The following OSBPL6 variants were observed in gnomAD, a reference collection of about 807,000 sequenced individuals.
OSBPL6 encodes oxysterol-binding protein-related protein 6.
A neutral mutation model predicts 125.8 loss-of-function variants in OSBPL6; 49 were observed. That is an observed-to-expected ratio of 0.39 (90% CI 0.31 to 0.49). The LOEUF is 0.49. Ranked by LOEUF, OSBPL6 falls within the 20% of genes least tolerant of loss-of-function variation. The pLI, the probability that OSBPL6 is intolerant of heterozygous loss-of-function variation, is 0.88. For synonymous variants in OSBPL6, 394 were observed against 391.8 expected (o/e 1.01, Z -0.07); for missense variants, 986 against 1,135.4 (o/e 0.87, Z 1.89).
At chr2:178,293,316 C>T (rs572536663) in intron 2 of OSBPL6, among the ~76,000 whole-genome samples, 1 of 152,092 alleles carries the variant, frequency 6.6e-6, no homozygotes, top group South Asian at 2.1e-4. Flanking sequence ...TGGGAGAACC[C>T]GTGATCTGAA....
At chr2:178,243,664 T>A (rs765290583) in intron 1 of OSBPL6, among the ~76,000 whole-genome samples, 10 of 152,196 alleles carry the variant, frequency 6.6e-5, no homozygotes, top group Non-Finnish European at 1.0e-4. Context: ...TGTTTCTTTG[T>A]TTGTTTTGAG....
In OSBPL6 at chr2:178,233,350, T is replaced by C. The variant is rs556452538; in HGVS notation, c.-351+38676T>C. On this transcript the variant is annotated intron_variant, in intron 1 of 24. Transcript: ENST00000190611. ...TCTAATTCCTGCGAACCAGCCTTGC[T>C]CTCTGAAAACTGTGGCCATTTTCAT... is the stretch of plus-strand genomic sequence containing the variant. 1.1e-4 allele frequency among the ~76,000 whole-genome samples: 17 copies of C among 152,348 alleles called. No homozygotes were observed. In the South Asian group the frequency reaches 3.3e-3, roughly 30 times the overall value.
intron 12 of OSBPL6, among the ~76,000 whole-genome samples, chr2:178,351,611 C>T (rs1214333906): frequency 6.6e-6 from 1 of 152,132 alleles, no homozygotes; most frequent in African/African-American, 2.4e-5. Context: ...ATATTCCATA[C>T]TCATGGATCA....
At chr2:178,286,708 C>T (rs1013453013) in intron 2 of OSBPL6, among the ~76,000 whole-genome samples, 3 of 152,108 alleles carry the variant, frequency 2.0e-5, no homozygotes, top group Non-Finnish European at 2.9e-5. Context: ...GTTCCAGGGA[C>T]GTAAACTGAT....
At chr2:178,221,785 C>A (rs571258565) in intron 1 of OSBPL6, among the ~76,000 whole-genome samples, 29 of 152,288 alleles carry the variant, frequency 1.9e-4, no homozygotes, top group African/African-American at 7.0e-4. Context: ...GTTTCACAAT[C>A]AATACATGAA....
chr2:178,332,796 A>C, intron 7 of OSBPL6, 42 bp downstream of exon 7: 2 of 1,611,662 alleles, frequency 1.2e-6, no homozygotes, highest in African/African-American at 2.7e-5. Flanking sequence ...TTATCAGGGG[A>C]AACGATTTGC....
At chr2:178,196,049 G>A (rs2088868857) in intron 1 of OSBPL6, among the ~76,000 whole-genome samples, 1 of 140,436 alleles carries the variant, frequency 7.1e-6, no homozygotes, top group Admixed American at 7.4e-5. Flanking sequence ...CTACAGTTTT[G>A]GGTACTGCAA....
chr2:178,267,729 A>G (rs1428659768), intron 1 of OSBPL6, among the ~76,000 whole-genome samples: 3 of 152,156 alleles, frequency 2.0e-5, no homozygotes, highest in Non-Finnish European at 2.9e-5. Flanking sequence ...ATTTAACAGC[A>G]TAGAAAAGTT....
intron 1 of OSBPL6, among the ~76,000 whole-genome samples, chr2:178,222,214 T>C (rs113489182): frequency 2.7e-4 from 41 of 152,352 alleles, no homozygotes; most frequent in African/African-American, 9.6e-4. Context: ...GCTGGTGATG[T>C]AATTTTAATC....
At chr2:178,248,609 A>G (rs145833857) in intron 1 of OSBPL6, among the ~76,000 whole-genome samples, 97 of 152,296 alleles carry the variant, frequency 6.4e-4, no homozygotes, top group African/African-American at 2.3e-3. Context: ...CATGTATGCA[A>G]AAGTGTCTGG....
intron 3 of OSBPL6, among the ~76,000 whole-genome samples, chr2:178,322,615 T>C (rs1688338219): frequency 6.6e-6 from 1 of 152,180 alleles, no homozygotes; most frequent in African/African-American, 2.4e-5. Flanking sequence ...TGGTAGTTTC[T>C]GGTCTTGTAC....
chr2:178,336,303 G>A lies in OSBPL6; in HGVS notation c.660G>A (p.Met220Ile), dbSNP rs1267218372. The change falls in exon 9 of 25, where the codon ATG becomes ATA. Residue 220 changes from methionine (M) to isoleucine (I), a missense_variant and splice_region_variant. Physicochemically the swap from Met to Ile is conservative, Grantham distance 10. Transcript: ENST00000190611. ...AANVSVMDGK[M>I]QPNSFPWQSP... ...CAATTCATCTTTGTTTGCCGTAGAT[G>A]CAACCAAACAGCTTTCCGTGGCAGT... 2.5e-6 allele frequency: 4 copies of A among 1,613,406 alleles called. No homozygotes were observed. Among genetic ancestry groups the A allele is most frequent in the African/African-American group, 1.3e-5 (1 of 74,856 alleles).
intron 12 of OSBPL6, among the ~76,000 whole-genome samples, chr2:178,353,449 T>C (rs760043938): frequency 8.5e-5 from 13 of 152,196 alleles, no homozygotes; most frequent in Non-Finnish European, 1.8e-4. Flanking sequence ...TTGTGATGCA[T>C]GCCCAAGCTT....
intron 1 of OSBPL6, among the ~76,000 whole-genome samples, chr2:178,223,667 T>C (rs1300839207): frequency 6.6e-6 from 1 of 152,190 alleles, no homozygotes; most frequent in Non-Finnish European, 1.5e-5. Context: ...ACTGACTAAG[T>C]GATTGGATTC....
At chr2:178,298,226 C>T (rs568554759) in intron 2 of OSBPL6, among the ~76,000 whole-genome samples, 15 of 152,298 alleles carry the variant, frequency 9.8e-5, no homozygotes, top group African/African-American at 3.4e-4. Context: ...CTTTTTAAGG[C>T]TGAATAATAT....
intron 1 of OSBPL6, among the ~76,000 whole-genome samples, chr2:178,209,943 C>T (rs2089763318): frequency 6.6e-6 from 1 of 151,410 alleles, no homozygotes; most frequent in Admixed American, 6.6e-5. Context: ...TCTTTCCATA[C>T]TATAGCCATA....
rs66530877 is a variant in OSBPL6, at chr2:178,287,149, TAAAAAA to T, written c.-156+2043_-156+2048del. On this transcript the variant is annotated intron_variant, in intron 2 of 24. Transcript: ENST00000190611. ...CCTAAAACAATGGTTCTTCTTTTTTTAAAAAAAAAAAAAAAAAAAACAAATTATTTT... is the reference window on the plus strand; with the variant it reads ...CCTAAAACAATGGTTCTTCTTTTTTTAAAAAAAAAAAAAACAAATTATTTT... Among the ~76,000 whole-genome samples the T allele has an allele frequency of 6.6e-3, 829 of 125,476 alleles. 10 individuals are homozygous for T. Among genetic ancestry groups the T allele is most frequent in the African/African-American group, 0.021 (767 of 37,316 alleles). 82.3% of individuals were successfully genotyped at this position (125,476 alleles called of 152,430 possible). A position where few individuals can be genotyped will look rare whatever the true frequency, so the allele number is the denominator to read the frequency against.
intron 3 of OSBPL6, among the ~76,000 whole-genome samples, chr2:178,323,039 A>C (rs1050236042): frequency 1.2e-4 from 19 of 152,166 alleles, no homozygotes; most frequent in African/African-American, 4.6e-4. Flanking sequence ...ATGCTTTCAT[A>C]ATGTGCCAAG....
chr2:178,381,495 A>G (rs551630310), intron 15 of OSBPL6, among the ~76,000 whole-genome samples: 5 of 152,294 alleles, frequency 3.3e-5, no homozygotes, highest in Admixed American at 2.0e-4. Flanking sequence ...CTGGGACTGC[A>G]GGCGCATGCC....
Sources: allele counts gnomAD v4.1 joint callset (sites outside exome capture counted in the v4.1 genomes callset), GRCh38; gene constraint gnomAD v4.1.1; transcripts MANE v1.5; gene names NCBI Gene and HGNC (gene_info 2026-07-23, HGNC 2026-07-21).